Variants in GLT8D1 observed in about 807,000 individuals in gnomAD.
The protein encoded by GLT8D1 is glycosyltransferase 8 domain containing 1.
GLT8D1 carries 41 observed loss-of-function variants against 46.2 expected under a neutral mutation model. The ratio of observed to expected loss-of-function variants is 0.89; its 90% CI spans 0.69 to 1.15. The LOEUF (loss-of-function observed/expected upper bound fraction) is 1.15. Among genes scored for constraint, GLT8D1 ranks in the 50% most tolerant of loss-of-function variants. The pLI, the probability that GLT8D1 is intolerant of heterozygous loss-of-function variation, is 0.00. For synonymous variants in GLT8D1, 150 were observed against 154.2 expected, an observed-to-expected ratio of 0.97 and a Z score of 0.20; for missense variants, 408 against 449.3, an observed-to-expected ratio of 0.91 and a Z score of 0.83.
chr3:52,702,248 T>C (rs1029155402), intron 1 of GLT8D1, among the ~76,000 whole-genome samples: 1 of 152,176 alleles, frequency 6.6e-6, no homozygotes, highest in Non-Finnish European at 1.5e-5. Flanking sequence ...AAAAACTGTT[T>C]AAAAAATTGG....
At position 52,700,346 on chromosome 3, in the gene GLT8D1, AGAT is replaced by A. The variant is rs760877919; in HGVS notation, c.28_30del (p.Ile10del). On this transcript the variant is annotated inframe_deletion, in exon 3 of 10. Transcript: ENST00000266014. ...AAGAAGAGAGCAACAGCCAGGACCAAGATGATGATGTTTACTGAAATAGATAGG... is the reference window on the plus strand; with the variant it reads ...AAGAAGAGAGCAACAGCCAGGACCAAGATGATGTTTACTGAAATAGATAGG... 16 of 1,613,032 alleles carry A rather than the reference AGAT, an allele frequency of 9.9e-6. No homozygotes were observed. The highest frequency in any genetic ancestry group is 1.1e-5 in the Non-Finnish European group (13 of 1,179,156).
chr3:52,696,105 T>G, intron 6 of GLT8D1, 65 bp from the exon 7 acceptor site: 2 of 1,188,606 alleles, frequency 1.7e-6, no homozygotes. Flanking sequence ...TTACTCCCAC[T>G]TCTCCCTATG....
intron 4 of GLT8D1, 115 bp downstream of exon 4, chr3:52,697,606 G>A: frequency 1.3e-6 from 1 of 763,984 alleles, no homozygotes; most frequent in Non-Finnish European, 2.3e-6. Flanking sequence ...TTTATCACTG[G>A]TACAATTTCA....
At chr3:52,699,289 CT>C (rs906161945) in intron 3 of GLT8D1, among the ~76,000 whole-genome samples, 34 of 147,384 alleles carry the variant, frequency 2.3e-4, no homozygotes, top group African/African-American at 3.0e-4. Flanking sequence ...ACTGTTGTCT[CT>C]TTTTTTTTTT....
chr3:52,703,556 T>C (rs991978182), intron 1 of GLT8D1: 1 of 152,118 alleles, frequency 6.6e-6, no homozygotes, highest in Non-Finnish European at 1.5e-5. Context: ...CCCCAACATC[T>C]GCCTGCGATG....
intron 1 of GLT8D1, chr3:52,700,757 G>A (rs1011512462): frequency 2.1e-4 from 58 of 271,872 alleles, no homozygotes; most frequent in African/African-American, 1.2e-3. Context: ...AAGATGAAAA[G>A]CAAAAGAAAC....
In GLT8D1 at chr3:52,694,659, TTATAGTC is replaced by T. The variant is rs2097330959; in HGVS notation, c.*179_*185del. On this transcript the variant is annotated 3_prime_UTR_variant, in exon 10 of 10. Transcript: ENST00000266014. Reference sequence around the variant, plus strand: ...CTTGGTAAGGCAGATGGAGACATATTTATAGTCTATAGTCTGTCTGGGAAGCTGACTG... The same window carrying T: ...CTTGGTAAGGCAGATGGAGACATATTTATAGTCTGTCTGGGAAGCTGACTG... The T allele has an allele frequency of 1.7e-5, 11 of 636,328 alleles. No individual in the cohort carries two copies. The South Asian group carries it at 2.0e-4, about 12-fold the overall frequency. The allele number at this position is 636,328 out of a possible 1,614,324, so 39.4% of individuals were successfully genotyped here.
In GLT8D1 at chr3:52,700,506, A is replaced by C; in HGVS notation, c.-36-10T>G. ...ATATTAGTTTTTAACCCTACAAAACAAAAACAAGCCCCCAAAGTCAGTAAG... is the reference window on the plus strand; with the variant it reads ...ATATTAGTTTTTAACCCTACAAAACCAAAACAAGCCCCCAAAGTCAGTAAG... On this transcript the variant is annotated splice_polypyrimidine_tract_variant and intron_variant, in intron 1 of 9. Transcript: ENST00000266014. 7.2e-7 allele frequency: 1 copy of C among 1,380,340 alleles called. No homozygotes were observed. The highest frequency in any genetic ancestry group is 1.0e-6 in the Non-Finnish European group (1 of 980,972). 85.5% of individuals were successfully genotyped at this position (1,380,340 alleles called of 1,614,324 possible).
chr3:52,697,703 C>A lies in GLT8D1; in HGVS notation c.329+18G>T. The A allele has an allele frequency of 6.5e-7, 1 of 1,539,418 alleles. No homozygotes were observed. The highest frequency in any genetic ancestry group is 2.2e-5 in the East Asian group (1 of 44,570). ...CTAAATCATCCTCTAGAAGCAGAAT[C>A]ACATAAGCAGAGCTCACCGGAGATG... On this transcript the variant is annotated intron_variant, in intron 4 of 9. Transcript: ENST00000266014.
chr3:52,705,270 T>C (rs550269468), intron 1 of GLT8D1, 177 bp downstream of exon 1: 12 of 152,350 alleles, frequency 7.9e-5, no homozygotes, highest in African/African-American at 2.9e-4. Flanking sequence ...TGAGGGTCAG[T>C]AAAGCCGGCC....
At chr3:52,697,972 T>C in intron 3 of GLT8D1, 38 bp from the exon 4 acceptor site, 1 of 1,270,278 alleles carries the variant, frequency 7.9e-7, no homozygotes, top group Non-Finnish European at 1.2e-6. Context: ...TACAATCTCA[T>C]GGGCTTTTGA....
At chr3:52,695,850 C>T in intron 7 of GLT8D1, 78 bp downstream of exon 7, 2 of 845,130 alleles carry the variant, frequency 2.4e-6, no homozygotes, top group Non-Finnish European at 2.0e-6. Flanking sequence ...TAAATTGCAG[C>T]AAAAGAGTTC....
intron 1 of GLT8D1, among the ~76,000 whole-genome samples, chr3:52,704,253 G>A (rs954127575): frequency 2.2e-4 from 33 of 151,818 alleles, no homozygotes; most frequent in African/African-American, 8.0e-4. Flanking sequence ...GAGGTCAGGC[G>A]TTTGAGACTA....
In GLT8D1 at chr3:52,695,889, C is replaced by T. The variant is rs369195827; in HGVS notation, c.645+39G>A. 9 of 1,177,798 alleles carry T rather than the reference C, an allele frequency of 7.6e-6. No homozygotes were observed. In the African/African-American group the frequency reaches 1.4e-4, roughly 18 times the overall value. The allele number at this position is 1,177,798 out of a possible 1,614,324, so 73.0% of individuals were successfully genotyped here. A position where few individuals can be genotyped will look rare whatever the true frequency, so the allele number is the denominator to read the frequency against. ...GAATTTGCAACCTCTTCCCATTAAA[C>T]AATATTGTAGGAAGAGGGGTGTTTG... On this transcript the variant is annotated intron_variant, in intron 7 of 9. Transcript: ENST00000266014.
intron 4 of GLT8D1, chr3:52,697,497 C>A: frequency 1.8e-6 from 1 of 555,584 alleles, no homozygotes; most frequent in Non-Finnish European, 3.2e-6. Flanking sequence ...TTCAGAGTGA[C>A]AGCTGACTTA....
Position 52,695,223 on chromosome 3 carries a change from T to C in GLT8D1, c.892A>G (p.Thr298Ala), listed in dbSNP as rs766229777. ...LLIVFYQQHS[T>A]IDPMWNVRHL... Reference sequence around the variant, plus strand: ...CGGACATTCCACATAGGATCGATGGTAGAGTGCTGTTGATAAAATACGATA... The same window carrying C: ...CGGACATTCCACATAGGATCGATGGCAGAGTGCTGTTGATAAAATACGATA... The change falls in exon 9 of 10, where the codon ACC becomes GCC. Residue 298 changes from threonine to alanine, a missense_variant. Physicochemically the swap from Thr to Ala is moderately conservative, Grantham distance 58 (BLOSUM62 0). Coordinates refer to ENST00000266014, the MANE Select transcript of GLT8D1 (RefSeq NM_018446.4). 6.2e-7 allele frequency: 1 copy of C among 1,613,758 alleles called. No individual in the cohort carries two copies. The highest frequency in any genetic ancestry group is 1.7e-5 in the Admixed American group (1 of 60,002).
chr3:52,705,636 A>C lies in GLT8D1; in HGVS notation c.-226T>G, dbSNP rs1254996632. 2 of 186,846 alleles carry C rather than the reference A, an allele frequency of 1.1e-5. No homozygotes were observed. Among genetic ancestry groups the C allele is most frequent in the Non-Finnish European group, 2.1e-5 (2 of 95,290 alleles). The allele number at this position is 186,846 out of a possible 1,614,324, so 11.6% of individuals were successfully genotyped here. On this transcript the variant is annotated 5_prime_UTR_variant, in exon 1 of 10. Transcript: ENST00000266014. Reference sequence around the variant, plus strand: ...CCTGCCAGCTCAGCGCCCGCGCCGCAGGCCCCGGAGCCCAGCCCGTTGTCT... The same window carrying C: ...CCTGCCAGCTCAGCGCCCGCGCCGCCGGCCCCGGAGCCCAGCCCGTTGTCT...
Position 52,697,805 on chromosome 3 carries a change from G to T in GLT8D1, c.245C>A (p.Ala82Glu), listed in dbSNP as rs778727693. The change falls in exon 4 of 10, where the codon GCA (alanine) becomes GAA (glutamate). Residue 82 changes from alanine (A) to glutamate (E), a missense_variant. Physicochemically the swap from Ala to Glu is moderately radical, Grantham distance 107. Transcript: ENST00000266014. ...ASEDRLGGAI[A>E]AINSIQHNTR... ...GTTGTGCTGAATGCTGTTTATAGCT[G>T]CAATGGCCCCCCCAAGCCTGTCTTC... 4 of 1,613,642 alleles carry T rather than the reference G, an allele frequency of 2.5e-6. No individual in the cohort carries two copies. Among genetic ancestry groups the T allele is most frequent in the Non-Finnish European group, 2.5e-6 (3 of 1,179,542 alleles).
intron 1 of GLT8D1, chr3:52,705,020 C>T (rs1339119429): frequency 1.3e-5 from 2 of 152,252 alleles, no homozygotes; most frequent in South Asian, 4.1e-4. Flanking sequence ...CCACCCTGTC[C>T]CGGGAGTGCC....
Sources: allele counts gnomAD v4.1 joint callset (sites outside exome capture counted in the v4.1 genomes callset), GRCh38; gene constraint gnomAD v4.1.1; transcripts MANE v1.5; gene names NCBI Gene and HGNC (gene_info 2026-07-23, HGNC 2026-07-21).